SP110: variants seen among roughly 807,000 people sequenced by gnomAD.
SP110 encodes the protein SP110 nuclear body protein.
Under a neutral mutation model 92.7 loss-of-function variants are expected in SP110, and 62 were observed. The observed-to-expected ratio is 0.67, with a 90% CI of 0.55 to 0.83. SP110 has a LOEUF of 0.83. Among genes scored for constraint, SP110 ranks in the 40% least tolerant of loss-of-function variants. SP110 has a pLI of 0.00. For synonymous variants in SP110, 273 were observed against 305.3 expected, an observed-to-expected ratio of 0.89 and a Z score of 1.10; for missense variants, 793 against 863.9, an observed-to-expected ratio of 0.92 and a Z score of 1.03.
At chr2:230,192,068 T>C (rs940784037) in intron 10 of SP110, among the ~76,000 whole-genome samples, 3 of 152,194 alleles carry the variant, frequency 2.0e-5, no homozygotes, top group Non-Finnish European at 4.4e-5. Flanking sequence ...GAAAAGGCCT[T>C]TGATAAAATT....
intron 17 of SP110, chr2:230,171,417 T>C: frequency 4.3e-6 from 2 of 461,950 alleles, no homozygotes; most frequent in Non-Finnish European, 8.0e-6. Flanking sequence ...TAATCTCTAG[T>C]AGGAAAGACA....
chr2:230,192,093 G>T (rs1036477830), intron 10 of SP110, among the ~76,000 whole-genome samples: 1 of 152,142 alleles, frequency 6.6e-6, no homozygotes, highest in African/African-American at 2.4e-5. Context: ...ATCCCTTCAT[G>T]TTAAAAACTC....
chr2:230,224,549 A>G (rs976732170), upstream of SP110, among the ~76,000 whole-genome samples: 3 of 151,422 alleles, frequency 2.0e-5, no homozygotes, highest in Non-Finnish European at 4.4e-5. Flanking sequence ...AGAGAGAGAT[A>G]CTGGAAAAGG....
chr2:230,186,102 C>A lies in SP110; in HGVS notation c.1171G>T (p.Val391Leu). 6.2e-7 allele frequency: 1 copy of A among 1,614,154 alleles called. No individual in the cohort carries two copies. Among genetic ancestry groups the A allele is most frequent in the Non-Finnish European group, 8.5e-7 (1 of 1,180,002 alleles). ...TTCCTTTGAGTCACCTTATCCACCA[C>A]TTGGAGCTTCTCTTGGATGCCATGC... ...PGHGIQEKLQ[V>L]VDKVTQRKDD... The change falls in exon 11 of 19, where the codon GTG (valine) becomes TTG (leucine). Residue 391 changes from valine (V) to leucine (L), a missense_variant. Coordinates refer to ENST00000258381, the MANE Select transcript of SP110 (RefSeq NM_080424.4).
chr2:230,200,210 G>C (rs982132770), intron 10 of SP110, among the ~76,000 whole-genome samples: 2 of 152,152 alleles, frequency 1.3e-5, no homozygotes, highest in Non-Finnish European at 2.9e-5. Flanking sequence ...CATTTGTCAT[G>C]TGAGAGTTCT....
At chr2:230,171,986 C>T (rs930269639) in intron 16 of SP110, 80 bp downstream of exon 16, 3 of 930,380 alleles carry the variant, frequency 3.2e-6, no homozygotes, top group Non-Finnish European at 5.4e-6. Flanking sequence ...CCCTTTGGTA[C>T]ATTGCCCTGA....
At chr2:230,184,057 G>A (rs905562432) in intron 11 of SP110, among the ~76,000 whole-genome samples, 9 of 152,170 alleles carry the variant, frequency 5.9e-5, no homozygotes, top group African/African-American at 2.2e-4. Context: ...TGATGGGTGG[G>A]CTGCGTATAC....
chr2:230,217,677 G>T (rs983546408), intron 1 of SP110, among the ~76,000 whole-genome samples: 2 of 152,198 alleles, frequency 1.3e-5, no homozygotes, highest in Non-Finnish European at 2.9e-5. Flanking sequence ...CCCCAGGGTT[G>T]CACAACTAGA....
In SP110 at chr2:230,197,363, A is replaced by G. The variant is rs1165651578; in HGVS notation, c.1129+3522T>C. Among the ~76,000 whole-genome samples the G allele has an allele frequency of 7.3e-5, 11 of 151,268 alleles. No individual in the cohort carries two copies. In the East Asian group the frequency reaches 1.8e-3, roughly 24 times the overall value. ...CTTCTTTTGAGAAGTGTCTGTTCAT[A>G]TCCTTCGCCCACTTTTTGATGGGGT... is the stretch of plus-strand genomic sequence containing the variant. On this transcript the variant is annotated intron_variant, in intron 10 of 18. Coordinates refer to ENST00000258381, the MANE Select transcript of SP110 (RefSeq NM_080424.4).
At chr2:230,224,134 G>A (rs1331675730), upstream of SP110, among the ~76,000 whole-genome samples, 1 of 152,194 alleles carries the variant, frequency 6.6e-6, no homozygotes, top group East Asian at 1.9e-4. Flanking sequence ...GCAAAGTAGG[G>A]CTTTCTAGTA....
chr2:230,176,664 T>C, intron 14 of SP110: 1 of 1,613,976 alleles, frequency 6.2e-7, no homozygotes, highest in South Asian at 1.1e-5. Flanking sequence ...GTAGTAGAAA[T>C]TCACTTGCTA....
intron 18 of SP110, among the ~76,000 whole-genome samples, chr2:230,170,173 T>C (rs1363186297): frequency 6.6e-6 from 1 of 152,206 alleles, no homozygotes; most frequent in African/African-American, 2.4e-5. Flanking sequence ...CAATTCCAGA[T>C]GTTTGAGTCC....
chr2:230,178,301 A>G, intron 12 of SP110, 46 bp from the exon 13 acceptor site: 3 of 1,123,628 alleles, frequency 2.7e-6, no homozygotes, highest in East Asian at 2.4e-5. Flanking sequence ...TCTTCACTCC[A>G]TCTTCCTTTT....
At chr2:230,221,823 A>G (rs2045844640), upstream of SP110, 1 of 1,156,400 alleles carries the variant, frequency 8.6e-7, no homozygotes, top group Admixed American at 2.1e-5. Context: ...AAACAAACAA[A>G]CAAAAGTAAA....
chr2:230,169,156 C>G lies in SP110; in HGVS notation c.2110G>C (p.Ala704Pro). The G allele has an allele frequency of 6.2e-7, 1 of 1,613,744 alleles. No homozygotes were observed. The highest frequency in any genetic ancestry group is 8.5e-7 in the Non-Finnish European group (1 of 1,179,716). ...AGAGTCCAGAAACCGCCGTCATTGGCTTCATGAAAACCGAGCACGTCTTTG... is the reference window on the plus strand; with the variant it reads ...AGAGTCCAGAAACCGCCGTCATTGGGTTCATGAAAACCGAGCACGTCTTTG... The part of the protein sequence containing the change: ...DLKDVLGFHE[A>P]NDGGFWTLP Residue 704 changes from alanine (A) to proline (P), a missense_variant, in exon 19 of 19, where the codon GCC becomes CCC. By Grantham distance (27) the Ala-to-Pro change is conservative. Coordinates refer to ENST00000258381, the MANE Select transcript of SP110 (RefSeq NM_080424.4).
intron 10 of SP110, among the ~76,000 whole-genome samples, chr2:230,199,099 T>G (rs976554784): frequency 2.6e-5 from 4 of 151,392 alleles, no homozygotes; most frequent in African/African-American, 9.7e-5. Context: ...ACACCAGCTC[T>G]TGACCACCTA....
At chr2:230,173,062 A>C (rs1029099721) in intron 14 of SP110, 103 bp from the exon 15 acceptor site, 1 of 796,506 alleles carries the variant, frequency 1.3e-6, no homozygotes, top group East Asian at 2.7e-5. Flanking sequence ...GCCAGAGTGG[A>C]TATCCAAACC....
At chr2:230,206,595 T>TATATATATATATATATA (rs2043840701) in intron 8 of SP110, among the ~76,000 whole-genome samples, 1 of 70,508 alleles carries the variant, frequency 1.4e-5, no homozygotes, top group East Asian at 8.0e-4. Context: ...GGTCCAGATT[T>TATATATATATATATATA]TATATATATA....
Position 230,195,039 on chromosome 2 carries a change from C to T in SP110, c.1129+5846G>A, listed in dbSNP as rs146412156. 5.4e-3 allele frequency among the ~76,000 whole-genome samples: 821 copies of T among 151,838 alleles called. 3 individuals carry two copies. Among genetic ancestry groups the T allele is most frequent in the African/African-American group, 0.019 (778 of 41,390 alleles). On this transcript the variant is annotated intron_variant, in intron 10 of 18. Coordinates refer to ENST00000258381, the MANE Select transcript of SP110 (RefSeq NM_080424.4). Reference sequence around the variant, plus strand: ...GAGAGTAACAATTTCACTTTTCTTCCTTATGTCTTGGGCATTTTTTTTTTC... The same window carrying T: ...GAGAGTAACAATTTCACTTTTCTTCTTTATGTCTTGGGCATTTTTTTTTTC...
Sources: allele counts gnomAD v4.1 joint callset (sites outside exome capture counted in the v4.1 genomes callset), GRCh38; gene constraint gnomAD v4.1.1; transcripts MANE v1.5; gene names NCBI Gene and HGNC (gene_info 2026-07-23, HGNC 2026-07-21).